The following RASGRF2 variants were observed in gnomAD, a reference collection of about 807,000 sequenced individuals.
RASGRF2 encodes Ras protein specific guanine nucleotide releasing factor 2.
RASGRF2 carries 76 observed loss-of-function variants against 151.0 expected under a neutral mutation model. That is an observed-to-expected ratio of 0.50 (90% CI 0.42 to 0.61). The LOEUF is 0.61. RASGRF2 is among the 20% of genes least tolerant of loss of function. The probability of loss-of-function intolerance (pLI) is 0.00; values close to 1 mark genes in which losing one functional copy is unlikely to be tolerated. For synonymous variants in RASGRF2, 504 were observed against 566.5 expected (o/e 0.89, Z 1.57); for missense variants, 1,148 against 1,564.6 (o/e 0.73, Z 4.49).
At chr5:81,204,203 G>A (rs1373586338) in intron 19 of RASGRF2, 1 of 152,250 alleles carries the variant, frequency 6.6e-6, no homozygotes, top group East Asian at 1.9e-4. Flanking sequence ...CAATGCCCAA[G>A]CATCGCCAGA....
intron 15 of RASGRF2, among the ~76,000 whole-genome samples, chr5:81,118,517 T>C (rs1753220672): frequency 6.6e-6 from 1 of 152,222 alleles, no homozygotes; most frequent in Admixed American, 6.5e-5. Flanking sequence ...TGAAATACCT[T>C]TGGAGTCTTT....
intron 18 of RASGRF2, among the ~76,000 whole-genome samples, chr5:81,181,481 A>C (rs1754915919): frequency 6.6e-6 from 1 of 152,230 alleles, no homozygotes; most frequent in South Asian, 2.1e-4. Context: ...TCTATGATTC[A>C]AATTCCAAGA....
intron 1 of RASGRF2, among the ~76,000 whole-genome samples, chr5:81,038,942 G>A (rs989178413): frequency 6.6e-6 from 1 of 151,912 alleles, no homozygotes; most frequent in African/African-American, 2.4e-5. Context: ...TCTGTGGCTT[G>A]TCTTTTCACT....
intron 17 of RASGRF2, among the ~76,000 whole-genome samples, chr5:81,163,659 A>AC (rs1754438863): frequency 6.6e-6 from 1 of 152,208 alleles, no homozygotes; most frequent in African/African-American, 2.4e-5. Context: ...ATATGGGTGT[A>AC]CATCAAGTTC....
rs557488948 is a variant in RASGRF2 at position 80,961,127 on chromosome 5, G to T, written c.288+101G>T. Reference sequence around the variant, plus strand: ...GGGTCGGGGGTCGTGAAAGAGTGCGGGGACTATGCTCCGAAATCCCCCCGC... The same window carrying T: ...GGGTCGGGGGTCGTGAAAGAGTGCGTGGACTATGCTCCGAAATCCCCCCGC... On this transcript the variant is annotated intron_variant, in intron 1 of 26. Transcript: ENST00000265080. The T allele has an allele frequency of 5.0e-5, 65 of 1,288,972 alleles. No homozygotes were observed. In the South Asian group the frequency reaches 1.1e-3, roughly 23 times the overall value. 79.8% of individuals were successfully genotyped at this position (1,288,972 alleles called of 1,614,324 possible).
intron 19 of RASGRF2, among the ~76,000 whole-genome samples, chr5:81,204,807 G>A (rs185615526): frequency 1.3e-5 from 2 of 152,272 alleles, no homozygotes; most frequent in Admixed American, 6.5e-5. Context: ...TAAAATGTTA[G>A]GTAACTTAAT....
intron 3 of RASGRF2, 141 bp downstream of exon 3, chr5:81,068,320 C>A: frequency 2.3e-6 from 2 of 855,082 alleles, no homozygotes; most frequent in Non-Finnish European, 3.5e-6. Context: ...CTGGGCCTGA[C>A]CTAGACATGA....
chr5:81,206,680 G>A (rs1006358727), intron 19 of RASGRF2, among the ~76,000 whole-genome samples, 165 bp from the exon 20 acceptor site: 5 of 152,170 alleles, frequency 3.3e-5, no homozygotes, highest in African/African-American at 1.2e-4. Flanking sequence ...CATGTTTTCT[G>A]TTTGGGGATT....
At chr5:81,145,932 T>C (rs1178331771) in intron 17 of RASGRF2, among the ~76,000 whole-genome samples, 1 of 152,248 alleles carries the variant, frequency 6.6e-6, no homozygotes, top group East Asian at 1.9e-4. Flanking sequence ...CCAGTAAACT[T>C]TGACCAAATT....
chr5:81,221,783 C>G (rs924253962), intron 26 of RASGRF2, among the ~76,000 whole-genome samples: 8 of 152,172 alleles, frequency 5.3e-5, no homozygotes, highest in African/African-American at 1.9e-4. Flanking sequence ...TCAAGACCAG[C>G]CTGGCCAACA....
chr5:81,000,176 G>A (rs1454872572), intron 1 of RASGRF2, among the ~76,000 whole-genome samples: 1 of 152,240 alleles, frequency 6.6e-6, no homozygotes, highest in Non-Finnish European at 1.5e-5. Context: ...CCCTGAGACT[G>A]TGTAAGCAGC....
At chr5:81,111,762 G>C (rs1753001494) in intron 13 of RASGRF2, among the ~76,000 whole-genome samples, 1 of 151,970 alleles carries the variant, frequency 6.6e-6, no homozygotes, top group African/African-American at 2.4e-5. Context: ...AAAAAGAGCT[G>C]ATTCTAGAGA....
chr5:81,079,630 G>T (rs79244294), intron 5 of RASGRF2, among the ~76,000 whole-genome samples: 2,570 of 152,190 alleles, frequency 0.017, 75 homozygotes, highest in African/African-American at 0.058. Context: ...CTTTTCAGAA[G>T]ATTCTTTTGC....
chr5:81,165,537 G>A (rs1754485673), intron 17 of RASGRF2, among the ~76,000 whole-genome samples: 1 of 152,152 alleles, frequency 6.6e-6, no homozygotes, highest in Non-Finnish European at 1.5e-5. Flanking sequence ...CTCTCACCTT[G>A]TAATCAGTAT....
chr5:80,969,615 A>T (rs1259772803), intron 1 of RASGRF2, among the ~76,000 whole-genome samples: 1 of 142,326 alleles, frequency 7.0e-6, no homozygotes, highest in Non-Finnish European at 1.5e-5. Flanking sequence ...CGCCCGGCTA[A>T]TTTTTTTTTG....
chr5:81,107,114 A>G (rs1752867199), intron 12 of RASGRF2, among the ~76,000 whole-genome samples: 1 of 148,898 alleles, frequency 6.7e-6, no homozygotes, highest in Non-Finnish European at 1.5e-5. Flanking sequence ...TAATCCCAGC[A>G]TTTTGGAGGC....
In RASGRF2 at chr5:81,186,573, C is replaced by T. The variant is rs530375519; in HGVS notation, c.2793+6292C>T. On this transcript the variant is annotated intron_variant, in intron 18 of 26. Coordinates refer to ENST00000265080, the MANE Select transcript of RASGRF2 (RefSeq NM_006909.3). ...TCCTATAAACACAGACACACACACG[C>T]GCACACACACAAAACAGAGTCCTTT... Among the ~76,000 whole-genome samples the T allele has an allele frequency of 2.8e-4, 43 of 152,220 alleles. 1 individual carries two copies. The highest frequency in any genetic ancestry group is 1.9e-3 in the South Asian group (9 of 4,828).
chr5:81,197,776 T>G (rs1341259654), intron 18 of RASGRF2, among the ~76,000 whole-genome samples: 3 of 152,184 alleles, frequency 2.0e-5, no homozygotes, highest in African/African-American at 7.2e-5. Flanking sequence ...TGGGGGAAAA[T>G]AAACACTCAT....
chr5:81,014,022 G>C (rs1029043298), intron 1 of RASGRF2, among the ~76,000 whole-genome samples: 1 of 151,776 alleles, frequency 6.6e-6, no homozygotes. Flanking sequence ...ATTTTCCTAT[G>C]GATCGTCTTT....
Sources: allele counts gnomAD v4.1 joint callset (sites outside exome capture counted in the v4.1 genomes callset), GRCh38; gene constraint gnomAD v4.1.1; transcripts MANE v1.5; gene names NCBI Gene and HGNC (gene_info 2026-07-23, HGNC 2026-07-21).